Variants in SH3PXD2A observed in about 807,000 individuals in gnomAD.
SH3PXD2A encodes SH3 and PX domain-containing protein 2A.
A neutral mutation model predicts 115.2 loss-of-function variants in SH3PXD2A; 32 were observed. The ratio of observed to expected loss-of-function variants is 0.28; its 90% CI spans 0.21 to 0.37. The LOEUF (loss-of-function observed/expected upper bound fraction) is 0.37, where lower values mean the gene tolerates loss of function less well. Ranked by LOEUF, SH3PXD2A falls within the 10% of genes least tolerant of loss-of-function variation. The pLI is 1.00. For synonymous variants in SH3PXD2A, 610 were observed against 629.1 expected, an observed-to-expected ratio of 0.97 and a Z score of 0.45; for missense variants, 1,328 against 1,498.7, an observed-to-expected ratio of 0.89 and a Z score of 1.88.
chr10:103,613,749 G>A (rs991678500), intron 11 of SH3PXD2A, among the ~76,000 whole-genome samples: 2 of 152,108 alleles, frequency 1.3e-5, no homozygotes, highest in African/African-American at 4.8e-5. Flanking sequence ...GGATAGAGTC[G>A]CTGCTAAAAA....
rs1300660565 is a variant in SH3PXD2A, at chr10:103,627,988, G to A, written c.605-786C>T. 1.3e-5 allele frequency among the ~76,000 whole-genome samples: 2 copies of A among 152,160 alleles called. No homozygotes were observed. The highest frequency in any genetic ancestry group is 2.9e-5 in the Non-Finnish European group (2 of 68,024). On this transcript the variant is annotated intron_variant, in intron 8 of 14. Transcript: ENST00000369774. The surrounding 1 kb of genome is among the most constrained non-coding windows in gnomAD (Gnocchi z 4.4). ...GATTCTCTTTTCTGCTCATGGCCCA[G>A]TTCTCCATTTCCTGTCTGGAGAGCT...
intron 1 of SH3PXD2A, among the ~76,000 whole-genome samples, chr10:103,833,618 T>C (rs1468186936): frequency 3.3e-5 from 5 of 152,348 alleles, no homozygotes; most frequent in African/African-American, 1.2e-4. Context: ...ACCCGAACTT[T>C]CTTGAAAGTG....
At chr10:103,843,465 G>A (rs1445371313) in intron 1 of SH3PXD2A, among the ~76,000 whole-genome samples, 1 of 152,212 alleles carries the variant, frequency 6.6e-6, no homozygotes, top group Non-Finnish European at 1.5e-5. Context: ...GTGGAGACTG[G>A]CAGCTGAACC....
intron 3 of SH3PXD2A, among the ~76,000 whole-genome samples, chr10:103,738,278 G>A (rs80017575): frequency 0.023 from 3,498 of 152,338 alleles, 65 homozygotes; most frequent in Non-Finnish European, 0.034. Context: ...TCACAGATTC[G>A]GTATTCCTTG....
intron 8 of SH3PXD2A, among the ~76,000 whole-genome samples, chr10:103,649,348 C>T (rs575738895): frequency 6.6e-6 from 1 of 152,344 alleles, no homozygotes; most frequent in Non-Finnish European, 1.5e-5. Flanking sequence ...GGTCACTTGG[C>T]TGTTTGGTGG....
chr10:103,767,054 G>C (rs566898990), intron 3 of SH3PXD2A, 40 bp downstream of exon 3: 8 of 1,501,354 alleles, frequency 5.3e-6, no homozygotes, highest in Non-Finnish European at 7.4e-6. Context: ...GGTCCTTCCC[G>C]GGTATCCCCC....
intron 4 of SH3PXD2A, among the ~76,000 whole-genome samples, chr10:103,726,604 T>C (rs372444211): frequency 6.6e-6 from 1 of 152,128 alleles, no homozygotes; most frequent in East Asian, 1.9e-4. Flanking sequence ...ATGGATAAGG[T>C]AGTGAAGGTT....
intron 8 of SH3PXD2A, among the ~76,000 whole-genome samples, chr10:103,637,717 A>T (rs1405057987): frequency 1.3e-5 from 2 of 152,136 alleles, no homozygotes; most frequent in Non-Finnish European, 2.9e-5. Context: ...GGCATTTGCG[A>T]GCTCCAAGTG....
At chr10:103,789,161 C>T (rs113557713) in intron 2 of SH3PXD2A, among the ~76,000 whole-genome samples, 1,369 of 90,186 alleles carry the variant, frequency 0.015, 25 homozygotes, top group African/African-American at 0.053. Context: ...CTGCTGCCAT[C>T]GTCAGTGGGG....
At chr10:103,828,453 C>T (rs905555466) in intron 1 of SH3PXD2A, among the ~76,000 whole-genome samples, 3 of 152,160 alleles carry the variant, frequency 2.0e-5, no homozygotes, top group Admixed American at 1.3e-4. Context: ...CTGAGATAAC[C>T]CAACCTAACT....
intron 1 of SH3PXD2A, among the ~76,000 whole-genome samples, chr10:103,827,305 TG>T (rs1229189602): frequency 6.6e-6 from 1 of 152,150 alleles, no homozygotes; most frequent in East Asian, 1.9e-4. Context: ...TCCCTCAGCC[TG>T]GAATGCCCAC....
In SH3PXD2A at chr10:103,675,157, C is replaced by A. The variant is rs544873681; in HGVS notation, c.428-6505G>T. Among the ~76,000 whole-genome samples, 7 of 152,336 alleles carry A rather than the reference C, an allele frequency of 4.6e-5. No homozygotes were observed. In the South Asian group the frequency reaches 1.5e-3, roughly 32 times the overall value. On this transcript the variant is annotated intron_variant, in intron 6 of 14. Coordinates refer to ENST00000369774, the MANE Select transcript of SH3PXD2A (RefSeq NM_001394015.1). ...AGGCCTGCTCCTACACTCAGAGCCT[C>A]CAAGGCAGAGCTGGCTTCGTGGAGG...
chr10:103,745,195 C>G (rs560755546), intron 3 of SH3PXD2A, among the ~76,000 whole-genome samples: 1 of 152,340 alleles, frequency 6.6e-6, no homozygotes, highest in East Asian at 1.9e-4. Context: ...GGAAGCCTAT[C>G]AGAGAATTAA....
Position 103,602,598 on chromosome 10 carries a change from C to T in SH3PXD2A, c.2620G>A (p.Glu874Lys). ...GVEVQVLEKQ[E>K]SGWWYVRFGE... The stretch of plus-strand genomic sequence containing the variant: ...AACCTCACATACCACCACCCGCTCT[C>T]CTGCTTCTCCAGCACCTGCACCTCC... Residue 874 changes from glutamate to lysine, a missense_variant, in exon 15 of 15, where the codon GAG becomes AAG. Around this residue, in one of 5 missense-constraint regions of SH3PXD2A, gnomAD observed 574 missense variants for 565.7 expected, o/e 1.01. Transcript: ENST00000369774. 1.2e-6 allele frequency: 2 copies of T among 1,614,194 alleles called. No homozygotes were observed. Among genetic ancestry groups the T allele is most frequent in the Admixed American group, 1.7e-5 (1 of 60,024 alleles).
At chr10:103,748,621 GGA>G (rs2038536641) in intron 3 of SH3PXD2A, among the ~76,000 whole-genome samples, 1 of 152,232 alleles carries the variant, frequency 6.6e-6, no homozygotes, top group African/African-American at 2.4e-5. Flanking sequence ...CTGAGGAAGT[GGA>G]GAGAGTGAGA....
chr10:103,772,606 G>A (rs1195880507), intron 2 of SH3PXD2A, among the ~76,000 whole-genome samples: 6 of 152,216 alleles, frequency 3.9e-5, no homozygotes, highest in Non-Finnish European at 8.8e-5. Context: ...TCTAAAGGGT[G>A]GATCGTGTGA....
At chr10:103,636,568 C>T (rs932306114) in intron 8 of SH3PXD2A, among the ~76,000 whole-genome samples, 3 of 152,010 alleles carry the variant, frequency 2.0e-5, no homozygotes, top group African/African-American at 4.8e-5. Flanking sequence ...TGACTGAGGG[C>T]GGCAGGAAGT....
At chr10:103,846,998 C>T (rs1842853937) in intron 1 of SH3PXD2A, among the ~76,000 whole-genome samples, 2 of 152,228 alleles carry the variant, frequency 1.3e-5, no homozygotes, top group African/African-American at 2.4e-5. Context: ...GTTCTGAGAA[C>T]ATCCATATGA....
rs11191798 is a variant in SH3PXD2A, at chr10:103,763,835, G to T, written c.229+3259C>A. Among the ~76,000 whole-genome samples the T allele has an allele frequency of 4.4e-4, 67 of 152,312 alleles. No individual in the cohort carries two copies. The East Asian group carries it at 0.011, about 24-fold the overall frequency. ...AGACAATGGATGACTGATGTGGGGG[G>T]GCTATAAAAGCTGTCCCCTAAGATG... On this transcript the variant is annotated intron_variant, in intron 3 of 14. Coordinates refer to ENST00000369774, the MANE Select transcript of SH3PXD2A (RefSeq NM_001394015.1).
Sources: gnomAD v4.1 joint callset for allele counts (sites outside exome capture counted in the v4.1 genomes callset) on GRCh38, gnomAD v4.1.1 for gene constraint, gnomAD v4.1.1 regional missense constraint, Gnocchi (gnomAD v3.1) non-coding constraint, MANE v1.5 for transcripts, NCBI Gene and HGNC (gene_info 2026-07-23, HGNC 2026-07-21) for gene names.